PCNX1: variants seen among roughly 807,000 people sequenced by gnomAD.
The protein encoded by PCNX1 is pecanex-like protein 1.
Under a neutral mutation model 242.2 loss-of-function variants are expected in PCNX1, and 78 were observed. The observed-to-expected ratio is 0.32, with a 90% confidence interval of 0.27 to 0.39. The LOEUF (loss-of-function observed/expected upper bound fraction) is 0.39, where lower values mean the gene tolerates loss of function less well. Ranked by LOEUF, PCNX1 falls within the 10% of genes least tolerant of loss-of-function variation. PCNX1 has a pLI of 1.00. For synonymous variants in PCNX1, 1,024 were observed against 1,032.9 expected, an observed-to-expected ratio of 0.99 and a Z score of 0.17; for missense variants, 2,581 against 2,856.5, an observed-to-expected ratio of 0.90 and a Z score of 2.20.
intron 1 of PCNX1, among the ~76,000 whole-genome samples, chr14:70,923,971 C>T (rs924961008): frequency 2.0e-5 from 3 of 152,164 alleles, no homozygotes; most frequent in African/African-American, 7.2e-5. Context: ...TGGCTCACAC[C>T]TGTAATCCCA....
chr14:70,956,987 TTATTA>T (rs2058020633), intron 2 of PCNX1, among the ~76,000 whole-genome samples: 1 of 99,710 alleles, frequency 1.0e-5, no homozygotes, highest in Non-Finnish European at 2.3e-5. Flanking sequence ...ATATTTGTTT[TTATTA>T]TATTATTATT....
In PCNX1 at chr14:70,952,096, T is replaced by C. The variant is rs2057805106; in HGVS notation, c.362+4973T>C. Among the ~76,000 whole-genome samples, 6 of 152,174 alleles carry C rather than the reference T, an allele frequency of 3.9e-5. No individual in the cohort carries two copies. In the South Asian group the frequency reaches 1.0e-3, roughly 26 times the overall value. On this transcript the variant is annotated intron_variant, in intron 2 of 35. Coordinates refer to ENST00000304743, the MANE Select transcript of PCNX1 (RefSeq NM_014982.3). Reference sequence around the variant, plus strand: ...TTTCTTGTCAGAATGATGAGGAAAATAATGGAACTCTCTCATAGGATTATT... The same window carrying C: ...TTTCTTGTCAGAATGATGAGGAAAACAATGGAACTCTCTCATAGGATTATT...
intron 28 of PCNX1, among the ~76,000 whole-genome samples, chr14:71,084,074 T>A (rs1361603501): frequency 6.6e-6 from 1 of 152,188 alleles, no homozygotes; most frequent in Non-Finnish European, 1.5e-5. Context: ...GCTATTCCTT[T>A]CTGTTTGTTA....
At chr14:70,921,685 T>G (rs1228539416) in intron 1 of PCNX1, among the ~76,000 whole-genome samples, 1 of 152,174 alleles carries the variant, frequency 6.6e-6, no homozygotes, top group African/African-American at 2.4e-5. Flanking sequence ...TTTCTGTATA[T>G]GAAGATTTTC....
chr14:71,073,477 T>G lies in PCNX1; in HGVS notation c.4853-68T>G. The G allele has an allele frequency of 2.1e-6, 3 of 1,402,048 alleles. No homozygotes were observed. The South Asian group carries it at 4.0e-5, about 19-fold the overall frequency. 86.9% of individuals were successfully genotyped at this position (1,402,048 alleles called of 1,614,324 possible). A position where few individuals can be genotyped will look rare whatever the true frequency, so the allele number is the denominator to read the frequency against. ...TATGTATTTTTTTCTAAATCTTATG[T>G]GTCCTTGCATTCATTTTTCCCACTT... On this transcript the variant is annotated intron_variant, in intron 26 of 35. Transcript: ENST00000304743.
rs2061642552 is a variant in PCNX1 at position 71,073,658 on chromosome 14, G to T, written c.4966G>T (p.Ala1656Ser). Reference protein sequence around the residue: ...HIPHMLSFNAAFSQRWLAWEV... With the variant: ...HIPHMLSFNASFSQRWLAWEV... Reference sequence around the variant, plus strand: ...TCCTCACATGCTTTCATTTAATGCTGCATTTAGCCAGCGATGGCTAGCTTG... The same window carrying T: ...TCCTCACATGCTTTCATTTAATGCTTCATTTAGCCAGCGATGGCTAGCTTG... The change falls in exon 27 of 36, where the codon GCA becomes TCA. Residue 1656 changes from alanine to serine, a missense_variant. Ala to Ser is a moderately conservative substitution (Grantham distance 99). Coordinates refer to ENST00000304743, the MANE Select transcript of PCNX1 (RefSeq NM_014982.3). The T allele has an allele frequency of 6.2e-7, 1 of 1,614,048 alleles. No homozygotes were observed. Among genetic ancestry groups the T allele is most frequent in the South Asian group, 1.1e-5 (1 of 91,072 alleles).
In PCNX1 at chr14:71,057,617, C is replaced by T; in HGVS notation, c.4745C>T (p.Thr1582Ile). 6.2e-7 allele frequency: 1 copy of T among 1,613,298 alleles called. No individual in the cohort carries two copies. The highest frequency in any genetic ancestry group is 8.5e-7 in the Non-Finnish European group (1 of 1,179,284). Residue 1582 changes from threonine to isoleucine, a missense_variant, in exon 26 of 36, where the codon ACA (threonine) becomes ATA (isoleucine). Around this residue, in one of 9 missense-constraint regions of PCNX1, gnomAD observed 54 missense variants for 45.3 expected, o/e 1.19. Coordinates refer to ENST00000304743, the MANE Select transcript of PCNX1 (RefSeq NM_014982.3). ...LLLGRWGNYS[T>I]GDCFILASDY... Reference sequence around the variant, plus strand: ...CTAGGACGGTGGGGAAACTACAGTACAGGGGACTGTTTCATCCTTGCCTCT... The same window carrying T: ...CTAGGACGGTGGGGAAACTACAGTATAGGGGACTGTTTCATCCTTGCCTCT...
chr14:70,986,174 C>T (rs1323929010), intron 6 of PCNX1, among the ~76,000 whole-genome samples: 1 of 152,176 alleles, frequency 6.6e-6, no homozygotes, highest in East Asian at 1.9e-4. Context: ...CATACTGTGA[C>T]CATAAATTGT....
At chr14:71,004,132 T>G (rs535653950) in intron 8 of PCNX1, among the ~76,000 whole-genome samples, 14 of 152,266 alleles carry the variant, frequency 9.2e-5, no homozygotes, top group Non-Finnish European at 1.9e-4. Flanking sequence ...TATTGTCTTA[T>G]GCCTGCTTTC....
At chr14:70,995,686 T>G in intron 7 of PCNX1, 55 bp from the exon 8 acceptor site, 1 of 1,454,964 alleles carries the variant, frequency 6.9e-7, no homozygotes, top group Non-Finnish European at 9.6e-7. Context: ...TCATTCTAGG[T>G]ATTGTTTTCT....
intron 26 of PCNX1, among the ~76,000 whole-genome samples, chr14:71,066,690 T>A (rs1471397108): frequency 6.6e-6 from 1 of 152,192 alleles, no homozygotes; most frequent in Non-Finnish European, 1.5e-5. Context: ...TTGTGCTGGT[T>A]TTCAAAGGGA....
chr14:70,913,796 A>C (rs891283723), intron 1 of PCNX1, among the ~76,000 whole-genome samples: 2 of 152,216 alleles, frequency 1.3e-5, no homozygotes, highest in African/African-American at 4.8e-5. Context: ...ATTTCTCTAA[A>C]AGTTTAGATC....
At chr14:71,045,007 T>A in intron 19 of PCNX1, 126 bp from the exon 20 acceptor site, 2 of 645,518 alleles carry the variant, frequency 3.1e-6, no homozygotes, top group Non-Finnish European at 5.3e-6. Flanking sequence ...TAGAAAAATG[T>A]TTAGTTCTTA....
Position 71,109,754 on chromosome 14 carries a change from G to C in PCNX1, c.6886-41G>C, listed in dbSNP as rs142446090. 5.1e-4 allele frequency: 819 copies of C among 1,607,722 alleles called. 1 individual carries two copies. The African/African-American group carries it at 9.8e-3, about 19-fold the overall frequency. On this transcript the variant is annotated intron_variant, in intron 35 of 35. Coordinates refer to ENST00000304743, the MANE Select transcript of PCNX1 (RefSeq NM_014982.3). ...GGTAAGAGTTTGTGAGTATATTCCA[G>C]GTCTCCAGTGCTAACTTCTTGTTTT...
At chr14:70,994,014 T>C (rs1305606370) in intron 7 of PCNX1, among the ~76,000 whole-genome samples, 1 of 152,228 alleles carries the variant, frequency 6.6e-6, no homozygotes, top group African/African-American at 2.4e-5. Flanking sequence ...TTTATCATTA[T>C]GGCTTAAAAA....
chr14:71,047,752 T>C, intron 21 of PCNX1, 55 bp from the exon 22 acceptor site: 1 of 1,386,158 alleles, frequency 7.2e-7, no homozygotes, highest in Non-Finnish European at 1.0e-6. Flanking sequence ...TTTAAGTTAC[T>C]GTCTCTTCTA....
At chr14:71,105,847 T>TA (rs1378120859) in intron 33 of PCNX1, among the ~76,000 whole-genome samples, 1 of 148,910 alleles carries the variant, frequency 6.7e-6, no homozygotes, top group Admixed American at 6.7e-5. Context: ...AGCCCAGAAA[T>TA]ATAATTTTTT....
intron 28 of PCNX1, among the ~76,000 whole-genome samples, chr14:71,081,162 G>A (rs1422084788): frequency 1.3e-5 from 2 of 152,128 alleles, no homozygotes; most frequent in Non-Finnish European, 2.9e-5. Context: ...TTTATGTGAT[G>A]GATTACGTTT....
chr14:71,050,997 C>T (rs534904947), intron 23 of PCNX1, among the ~76,000 whole-genome samples: 5 of 151,824 alleles, frequency 3.3e-5, no homozygotes, highest in African/African-American at 7.2e-5. Flanking sequence ...GGATAAACCC[C>T]ATCTCCACTG....
Sources: gnomAD v4.1 joint callset for allele counts (sites outside exome capture counted in the v4.1 genomes callset) on GRCh38, gnomAD v4.1.1 for gene constraint, gnomAD v4.1.1 regional missense constraint, MANE v1.5 for transcripts, NCBI Gene and HGNC (gene_info 2026-07-23, HGNC 2026-07-21) for gene names.